CCDC127: variants seen among roughly 807,000 people sequenced by gnomAD.
The protein encoded by CCDC127 is coiled-coil domain containing 127.
CCDC127 carries 2 observed loss-of-function variants against 4.1 expected under a neutral mutation model. The ratio of observed to expected loss-of-function variants is 0.49; its 90% CI spans 0.20 to 1.53. The LOEUF is 1.53. Ranked by LOEUF, CCDC127 falls within the 40% of genes most tolerant of loss-of-function variation. CCDC127 has a pLI of 0.23. For synonymous variants in CCDC127, 98 were observed against 120.4 expected (o/e 0.81, Z 1.22); for missense variants, 271 against 322.9 (o/e 0.84, Z 1.23).
chr5:209,074 G>A (rs1358519720), intron 2 of CCDC127, among the ~76,000 whole-genome samples: 1 of 152,208 alleles, frequency 6.6e-6, no homozygotes, highest in Non-Finnish European at 1.5e-5. Context: ...AAACTGGAAT[G>A]ACGGAATCAG....
At chr5:217,467 A>G (rs532794362) in intron 1 of CCDC127, among the ~76,000 whole-genome samples, 2 of 152,268 alleles carry the variant, frequency 1.3e-5, no homozygotes, top group African/African-American at 4.8e-5. Flanking sequence ...TCTCTGGAGA[A>G]CCCTCATACA....
intron 2 of CCDC127, among the ~76,000 whole-genome samples, chr5:210,070 G>C (rs1410149509): frequency 6.6e-6 from 1 of 152,218 alleles, no homozygotes; most frequent in East Asian, 1.9e-4. Flanking sequence ...TCCAGCTAGT[G>C]CCGGAAGGCA....
At chr5:207,143 G>A (rs956753192) in intron 2 of CCDC127, among the ~76,000 whole-genome samples, 32 of 151,984 alleles carry the variant, frequency 2.1e-4, no homozygotes, top group African/African-American at 5.8e-4. Flanking sequence ...CTTTTCTCCC[G>A]GGTCATGAAT....
Position 205,275 on chromosome 5 carries a change from G to C in CCDC127, c.*22C>G. The stretch of plus-strand genomic sequence containing the variant: ...ACTGCCTGGCCTCGAGTCACTAAAA[G>C]CAGTTTGATTTCACTCTTGTCTTAC... On this transcript the variant is annotated 3_prime_UTR_variant, in exon 3 of 3. Coordinates refer to ENST00000296824, the MANE Select transcript of CCDC127 (RefSeq NM_145265.3). 1 of 1,587,176 alleles carries C rather than the reference G, an allele frequency of 6.3e-7. No individual in the cohort carries two copies. Among genetic ancestry groups the C allele is most frequent in the Non-Finnish European group, 8.6e-7 (1 of 1,164,182 alleles).
rs550209671 is a variant in CCDC127, at chr5:196,927, G to A, written c.*8370C>T. 82 of 135,464 alleles carry A rather than the reference G, an allele frequency of 6.1e-4. No homozygotes were observed. Among genetic ancestry groups the A allele is most frequent in the East Asian group, 4.6e-3 (23 of 5,018 alleles). 8.4% of individuals were successfully genotyped at this position (135,464 alleles called of 1,614,324 possible). A position where few individuals can be genotyped will look rare whatever the true frequency, so the allele number is the denominator to read the frequency against. On this transcript the variant is annotated 3_prime_UTR_variant, in exon 3 of 3. Transcript: ENST00000296824. The stretch of plus-strand genomic sequence containing the variant: ...GCTCAGCATACCAAGGACCTGCACT[G>A]GCACCGGCCTCTGAGTTCCCTCAGT...
chr5:209,047 C>A (rs1267312714), intron 2 of CCDC127, among the ~76,000 whole-genome samples: 1 of 151,944 alleles, frequency 6.6e-6, no homozygotes, highest in African/African-American at 2.4e-5. Context: ...AACTGAAAAA[C>A]AGAACAACTC....
In CCDC127 at chr5:205,248, T is replaced by G; in HGVS notation, c.*49A>C. 2 of 1,538,532 alleles carry G rather than the reference T, an allele frequency of 1.3e-6. No homozygotes were observed. The highest frequency in any genetic ancestry group is 1.2e-5 in the South Asian group (1 of 80,480). On this transcript the variant is annotated 3_prime_UTR_variant, in exon 3 of 3. Transcript: ENST00000296824. ...AGACGCCGGAGACCCAGAAGGCGCA[T>G]GACTGCCTGGCCTCGAGTCACTAAA... is the stretch of plus-strand genomic sequence containing the variant.
rs906979744 is a variant in CCDC127, at chr5:204,184, C to T, written c.*1113G>A. The T allele has an allele frequency of 5.3e-5, 8 of 152,340 alleles. No individual in the cohort carries two copies. Among genetic ancestry groups the T allele is most frequent in the Admixed American group, 1.3e-4 (2 of 15,282 alleles). 9.4% of individuals were successfully genotyped at this position (152,340 alleles called of 1,614,324 possible). A position where few individuals can be genotyped will look rare whatever the true frequency, so the allele number is the denominator to read the frequency against. On this transcript the variant is annotated 3_prime_UTR_variant, in exon 3 of 3. Transcript: ENST00000296824. Reference sequence around the variant, plus strand: ...GGGAGTGGATCCTGGGGTGTCCACACGTGGCTCCTCTGAGCGCCACCCACA... The same window carrying T: ...GGGAGTGGATCCTGGGGTGTCCACATGTGGCTCCTCTGAGCGCCACCCACA...
chr5:200,867 C>T lies in CCDC127; in HGVS notation c.*4430G>A, dbSNP rs1734062715. The T allele has an allele frequency of 9.1e-6, 1 of 110,338 alleles. No individual in the cohort carries two copies. Among genetic ancestry groups the T allele is most frequent in the African/African-American group, 3.4e-5 (1 of 29,222 alleles). 6.8% of individuals were successfully genotyped at this position (110,338 alleles called of 1,614,324 possible). A position where few individuals can be genotyped will look rare whatever the true frequency, so the allele number is the denominator to read the frequency against. On this transcript the variant is annotated 3_prime_UTR_variant, in exon 3 of 3. Coordinates refer to ENST00000296824, the MANE Select transcript of CCDC127 (RefSeq NM_145265.3). ...ACACAGCAGGCTGCCCCCATCACAG[C>T]CAGCCAGCGTCTACACAGCAGGCTG... is the stretch of plus-strand genomic sequence containing the variant.
intron 2 of CCDC127, chr5:215,647 G>A (rs932520397): frequency 8.6e-5 from 13 of 151,926 alleles, no homozygotes; most frequent in South Asian, 2.1e-4. Context: ...CAAGCACTGC[G>A]CAGATCACTG....
rs779409675 is a variant in CCDC127, at chr5:196,983, A to C, written c.*8314T>G. ...TTATTATTTTCATTATTTCAGCAAA[A>C]AGGAATGTAGTAGGAGAGCAGGGTG... On this transcript the variant is annotated 3_prime_UTR_variant, in exon 3 of 3. Transcript: ENST00000296824. The C allele has an allele frequency of 5.3e-5, 8 of 150,746 alleles. No individual in the cohort carries two copies. Among genetic ancestry groups the C allele is most frequent in the Non-Finnish European group, 1.0e-4 (7 of 67,796 alleles). 9.3% of individuals were successfully genotyped at this position (150,746 alleles called of 1,614,324 possible).
intron 1 of CCDC127, among the ~76,000 whole-genome samples, chr5:217,715 T>C (rs3756718): frequency 0.65 from 94,377 of 145,188 alleles, 28,495 homozygotes; most frequent in African/African-American, 0.67. Context: ...GATTACAGAG[T>C]TCTCTGCTTC....
chr5:217,054 C>G, intron 1 of CCDC127, 195 bp from the exon 2 acceptor site: 2 of 541,728 alleles, frequency 3.7e-6, no homozygotes, highest in Non-Finnish European at 6.2e-6. Context: ...TCGCTTGAAC[C>G]TGGGAGGTGG....
intron 2 of CCDC127, among the ~76,000 whole-genome samples, chr5:207,683 G>A (rs139016192): frequency 6.6e-6 from 1 of 152,134 alleles, no homozygotes; most frequent in Non-Finnish European, 1.5e-5. Flanking sequence ...CAAATGAGAG[G>A]GGCCCCCAGG....
intron 2 of CCDC127, among the ~76,000 whole-genome samples, chr5:209,768 G>T (rs1410651923): frequency 6.6e-6 from 1 of 152,210 alleles, no homozygotes; most frequent in Non-Finnish European, 1.5e-5. Context: ...TAATTCTACA[G>T]CACGGCCACG....
chr5:205,879 T>C lies in CCDC127; in HGVS notation c.201A>G (p.Gln67=), dbSNP rs922323772. Reference sequence around the variant, plus strand: ...CGTGGTACTTGGCTTCCAGATCCTGTTGAAAAGCAGCAGTTCTCCGACGGT... The same window carrying C: ...CGTGGTACTTGGCTTCCAGATCCTGCTGAAAAGCAGCAGTTCTCCGACGGT... ...EAYRRRTAAF[Q]QDLEAKYHAM... Residue 67 remains glutamine (Q), a synonymous_variant, in exon 3 of 3, where the codon CAA becomes CAG. Coordinates refer to ENST00000296824, the MANE Select transcript of CCDC127 (RefSeq NM_145265.3). 1.2e-6 allele frequency: 2 copies of C among 1,614,240 alleles called. No homozygotes were observed.
Position 205,105 on chromosome 5 carries a change from C to T in CCDC127, c.*192G>A, listed in dbSNP as rs1055417344. The T allele has an allele frequency of 3.6e-6, 2 of 560,804 alleles. No individual in the cohort carries two copies. The highest frequency in any genetic ancestry group is 2.9e-5 in the East Asian group (1 of 34,878). The allele number at this position is 560,804 out of a possible 1,614,324, so 34.7% of individuals were successfully genotyped here. ...CATATCCCCAACAGCGGCAGAGCAT[C>T]GGGAGGAGACCCTCTGTCTCTGAGG... On this transcript the variant is annotated 3_prime_UTR_variant, in exon 3 of 3. Coordinates refer to ENST00000296824, the MANE Select transcript of CCDC127 (RefSeq NM_145265.3).
intron 2 of CCDC127, among the ~76,000 whole-genome samples, chr5:208,960 C>T (rs1286086296): frequency 6.7e-6 from 1 of 149,784 alleles, no homozygotes; most frequent in African/African-American, 2.5e-5. Context: ...CTGACAAGGA[C>T]TTCAGAGCAG....
At chr5:208,601 C>T (rs1369114708) in intron 2 of CCDC127, among the ~76,000 whole-genome samples, 1 of 152,094 alleles carries the variant, frequency 6.6e-6, no homozygotes, top group Non-Finnish European at 1.5e-5. Flanking sequence ...ATGTGGGGAG[C>T]AGTGCTGAGG....
Sources: gnomAD v4.1 joint callset for allele counts (sites outside exome capture counted in the v4.1 genomes callset) on GRCh38, gnomAD v4.1.1 for gene constraint, MANE v1.5 for transcripts, NCBI Gene and HGNC (gene_info 2026-07-23, HGNC 2026-07-21) for gene names.